Variants in GRID2 observed in about 807,000 individuals in gnomAD.
GRID2 encodes the protein glutamate ionotropic receptor delta type subunit 2.
A neutral mutation model predicts 114.8 loss-of-function variants in GRID2; 33 were observed. The observed-to-expected ratio is 0.29, with a 90% CI of 0.22 to 0.38. The LOEUF (loss-of-function observed/expected upper bound fraction) is 0.38, where lower values mean the gene tolerates loss of function less well. Ranked by LOEUF, GRID2 falls within the 10% of genes least tolerant of loss-of-function variation. The probability of loss-of-function intolerance (pLI) is 1.00; values close to 1 mark genes in which losing one functional copy is unlikely to be tolerated. For missense variants in GRID2, 1,184 were observed against 1,257.7 expected, an observed-to-expected ratio of 0.94 and a Z score of 0.89; for synonymous variants, 505 against 449.9, an observed-to-expected ratio of 1.12 and a Z score of -1.55.
intron 11 of GRID2, among the ~76,000 whole-genome samples, chr4:93,462,124 G>T (rs1723802268): frequency 1.3e-5 from 2 of 152,038 alleles, no homozygotes; most frequent in African/African-American, 4.8e-5. Context: ...CCAACAATGT[G>T]CCAGGAACAT....
chr4:93,627,688 A>G (rs1742848811), intron 14 of GRID2, among the ~76,000 whole-genome samples: 1 of 152,228 alleles, frequency 6.6e-6, no homozygotes, highest in South Asian at 2.1e-4. Flanking sequence ...TAACAGGGAC[A>G]TGCTGTTCTC....
Position 92,324,411 on chromosome 4 carries a change from T to C in GRID2, c.88+19667T>C, listed in dbSNP as rs535528847. 1.3e-3 allele frequency among the ~76,000 whole-genome samples: 198 copies of C among 152,122 alleles called. 2 individuals carry two copies. Among genetic ancestry groups the C allele is most frequent in the African/African-American group, 4.5e-3 (189 of 41,548 alleles). ...TCAGAAACATGTCACTATGTATACA[T>C]GTATTTGCTTGGGAATATTTTAAAT... On this transcript the variant is annotated intron_variant, in intron 1 of 15. Transcript: ENST00000282020.
At chr4:93,282,570 A>G (rs976905578) in intron 8 of GRID2, among the ~76,000 whole-genome samples, 1 of 152,018 alleles carries the variant, frequency 6.6e-6, no homozygotes, top group Admixed American at 6.6e-5. Flanking sequence ...GGCATTAATC[A>G]ATGATAGCAG....
chr4:93,428,770 C>A (rs1769114670), intron 10 of GRID2, among the ~76,000 whole-genome samples: 1 of 152,028 alleles, frequency 6.6e-6, no homozygotes, highest in Admixed American at 6.6e-5. Flanking sequence ...AGTGACTTGA[C>A]AATATTATTT....
Position 93,769,422 on chromosome 4 carries a change from G to A in GRID2, c.2573G>A (p.Arg858Lys). 6.2e-7 allele frequency: 1 copy of A among 1,613,952 alleles called. No homozygotes were observed. The highest frequency in any genetic ancestry group is 2.2e-5 in the East Asian group (1 of 44,870). Reference protein sequence around the residue: ...IAMLETWWNKRKGSRVPSKED... With the variant: ...IAMLETWWNKKKGSRVPSKED... ...ATGCTGGAGACGTGGTGGAACAAGAGGAAAGGCTCCCGGGTTCCATCAAAA... is the reference window on the plus strand; with the variant it reads ...ATGCTGGAGACGTGGTGGAACAAGAAGAAAGGCTCCCGGGTTCCATCAAAA... Residue 858 changes from arginine to lysine, a missense_variant, in exon 15 of 16, where the codon AGG becomes AAG. By Grantham distance (26) the Arg-to-Lys change is conservative. Around this residue, in one of 3 missense-constraint regions of GRID2, gnomAD observed 717 missense variants for 796.9 expected, o/e 0.90. Coordinates refer to ENST00000282020, the MANE Select transcript of GRID2 (RefSeq NM_001510.4).
intron 2 of GRID2, among the ~76,000 whole-genome samples, chr4:93,058,911 G>C (rs1053030988): frequency 1.3e-5 from 2 of 151,988 alleles, no homozygotes; most frequent in African/African-American, 4.8e-5. Flanking sequence ...CTACTTGGTT[G>C]CCTTTGTATC....
chr4:92,413,613 T>C (rs570172652), intron 1 of GRID2, among the ~76,000 whole-genome samples: 1 of 152,222 alleles, frequency 6.6e-6, no homozygotes, highest in East Asian at 1.9e-4. Context: ...TGAGTTTACA[T>C]ATGGAAAGTG....
intron 2 of GRID2, among the ~76,000 whole-genome samples, chr4:92,912,917 C>T (rs1748495751): frequency 6.6e-6 from 1 of 151,704 alleles, no homozygotes; most frequent in Non-Finnish European, 1.5e-5. Context: ...TACATTGTAT[C>T]TTATCCATGA....
chr4:93,173,067 TGAA>T (rs1439201675), intron 4 of GRID2, among the ~76,000 whole-genome samples: 1 of 152,156 alleles, frequency 6.6e-6, no homozygotes, highest in Non-Finnish European at 1.5e-5. Flanking sequence ...TTGGCTATAT[TGAA>T]GAGTTAGAAG....
chr4:93,404,907 T>G (rs551091970), intron 9 of GRID2, among the ~76,000 whole-genome samples: 15 of 152,130 alleles, frequency 9.9e-5, no homozygotes, highest in Non-Finnish European at 1.2e-4. Context: ...TATATGAAAT[T>G]GAAATACAGA....
rs530869703 is a variant in GRID2 at position 93,460,711 on chromosome 4, T to G, written c.1858+4737T>G. ...ATTTAATAAATTCATATTGATAAAT[T>G]TAATGAATGGATGCTAAATACTTAA... is the stretch of plus-strand genomic sequence containing the variant. On this transcript the variant is annotated intron_variant, in intron 11 of 15. Transcript: ENST00000282020. Among the ~76,000 whole-genome samples the G allele has an allele frequency of 3.3e-5, 5 of 152,310 alleles. No individual in the cohort carries two copies. In the South Asian group the frequency reaches 8.3e-4, roughly 25 times the overall value.
At chr4:93,421,225 C>T (rs1242682813) in intron 9 of GRID2, among the ~76,000 whole-genome samples, 1 of 152,138 alleles carries the variant, frequency 6.6e-6, no homozygotes, top group Non-Finnish European at 1.5e-5. Flanking sequence ...ACAAACCACC[C>T]TGTTTACATC....
chr4:92,819,233 C>G (rs191404364), intron 2 of GRID2, among the ~76,000 whole-genome samples: 1 of 152,220 alleles, frequency 6.6e-6, no homozygotes, highest in Non-Finnish European at 1.5e-5. Flanking sequence ...ACATCACAAT[C>G]ACCCATGGGA....
intron 4 of GRID2, among the ~76,000 whole-genome samples, chr4:93,161,755 T>G (rs2149408210): frequency 6.6e-6 from 1 of 151,950 alleles, no homozygotes; most frequent in Admixed American, 6.6e-5. Flanking sequence ...GTTTTATTTT[T>G]AATATAGCAA....
At chr4:93,612,220 G>T (rs1206425011) in intron 13 of GRID2, among the ~76,000 whole-genome samples, 1 of 148,930 alleles carries the variant, frequency 6.7e-6, no homozygotes, top group Non-Finnish European at 1.5e-5. Context: ...CACGTGAGAT[G>T]GGTTTCCTGA....
chr4:92,645,659 T>C (rs908873463), intron 2 of GRID2, among the ~76,000 whole-genome samples: 2 of 151,730 alleles, frequency 1.3e-5, no homozygotes, highest in African/African-American at 4.8e-5. Flanking sequence ...CCCATCTCCC[T>C]GCTCACTACC....
At chr4:93,068,758 G>A (rs1005020544) in intron 2 of GRID2, among the ~76,000 whole-genome samples, 1 of 151,842 alleles carries the variant, frequency 6.6e-6, no homozygotes, top group Admixed American at 6.6e-5. Context: ...GGGGAGGTGT[G>A]GGGGAAGAGA....
At position 92,935,319 on chromosome 4, in the gene GRID2, T is replaced by C. The variant is rs1750578784; in HGVS notation, c.245-149676T>C. Among the ~76,000 whole-genome samples the C allele has an allele frequency of 2.7e-5, 4 of 146,736 alleles. 2 individuals carry two copies. The highest frequency in any genetic ancestry group is 1.5e-4 in the Admixed American group (2 of 13,552). ...TCACTGGCCATCAGAGAAATGCAAA[T>C]CAAAACCACAATGAGATACCATCTC... On this transcript the variant is annotated intron_variant, in intron 2 of 15. Transcript: ENST00000282020.
At chr4:93,208,385 C>A (rs1033687209) in intron 5 of GRID2, among the ~76,000 whole-genome samples, 2 of 151,822 alleles carry the variant, frequency 1.3e-5, no homozygotes, top group African/African-American at 4.8e-5. Flanking sequence ...AATTACTTTG[C>A]ATGTTCATAA....
Sources: gnomAD v4.1 joint callset for allele counts (sites outside exome capture counted in the v4.1 genomes callset) on GRCh38, gnomAD v4.1.1 for gene constraint, gnomAD v4.1.1 regional missense constraint, MANE v1.5 for transcripts, NCBI Gene and HGNC (gene_info 2026-07-23, HGNC 2026-07-21) for gene names.